Variants in OCA2 observed in about 807,000 individuals in gnomAD.
The protein encoded by OCA2 is OCA2 melanosomal transmembrane protein, also known as P protein.
OCA2 carries 77 observed loss-of-function variants against 100.2 expected under a neutral mutation model. That is an observed-to-expected ratio of 0.77 (90% CI 0.64 to 0.93). OCA2 has a LOEUF of 0.93. OCA2 is among the 40% of genes least tolerant of loss of function. The pLI is 0.00. For missense variants in OCA2, 1,062 were observed against 1,089.1 expected (o/e 0.98, Z 0.35); for synonymous variants, 432 against 439.2 (o/e 0.98, Z 0.21).
chr15:27,984,483 T>C (rs146193776), intron 13 of OCA2, among the ~76,000 whole-genome samples: 9 of 152,236 alleles, frequency 5.9e-5, no homozygotes, highest in Middle Eastern at 3.4e-3. Context: ...CCTCAGCAGA[T>C]GGTGATGGAG....
the OCA2 span, among the ~76,000 whole-genome samples, chr15:27,748,254 C>A: frequency 6.6e-6 from 1 of 152,178 alleles, no homozygotes; most frequent in Admixed American, 6.5e-5. Context: ...TGAGGAATAT[C>A]CTGCTCCCAA....
At chr15:27,842,139 G>C (rs1045597389) in intron 23 of OCA2, among the ~76,000 whole-genome samples, 2 of 152,226 alleles carry the variant, frequency 1.3e-5, no homozygotes, top group African/African-American at 4.8e-5. Context: ...CTGCCTGTTG[G>C]AGGCATAGCT....
Position 28,014,757 on chromosome 15 carries a change from G to A in OCA2, c.1044+19C>T. 6.2e-7 allele frequency: 1 copy of A among 1,609,920 alleles called. No individual in the cohort carries two copies. The highest frequency in any genetic ancestry group is 8.5e-7 in the Non-Finnish European group (1 of 1,179,666). On this transcript the variant is annotated intron_variant, in intron 9 of 23. Transcript: ENST00000354638. ...GACTGTGGGCCCAGACAGATCGGGG[G>A]AGCAGGTGTGAAAGTTACCTCAAAT...
At chr15:28,011,112 A>T (rs1300495338) in intron 9 of OCA2, among the ~76,000 whole-genome samples, 1 of 152,222 alleles carries the variant, frequency 6.6e-6, no homozygotes, top group Non-Finnish European at 1.5e-5. Context: ...ATGCTGGCCC[A>T]GTTGGACATC....
intron 15 of OCA2, among the ~76,000 whole-genome samples, chr15:27,962,811 AC>A (rs1183363658): frequency 1.3e-5 from 2 of 152,230 alleles, no homozygotes; most frequent in Non-Finnish European, 2.9e-5. Context: ...CAATCGCATC[AC>A]TAAGCACATT....
intron 9 of OCA2, among the ~76,000 whole-genome samples, chr15:28,000,557 G>A (rs2041895166): frequency 6.6e-6 from 1 of 152,128 alleles, no homozygotes; most frequent in Non-Finnish European, 1.5e-5. Flanking sequence ...TCTTGACAAT[G>A]ATTTTTTGGA....
In OCA2 at chr15:28,086,072, T is replaced by G. The variant is rs527405271; in HGVS notation, c.-21-4177A>C. ...AAGGCTGAGTAGGGAGTTTGGACATTCACCGTTGCTGAGTGCTAGGGAGTT... is the reference window on the plus strand; with the variant it reads ...AAGGCTGAGTAGGGAGTTTGGACATGCACCGTTGCTGAGTGCTAGGGAGTT... On this transcript the variant is annotated intron_variant, in intron 1 of 23. Transcript: ENST00000354638. Among the ~76,000 whole-genome samples the G allele has an allele frequency of 6.8e-4, 104 of 152,288 alleles. 1 individual carries two copies. Among genetic ancestry groups the G allele is most frequent in the African/African-American group, 2.5e-3 (104 of 41,568 alleles).
intron 19 of OCA2, among the ~76,000 whole-genome samples, chr15:27,891,326 C>A (rs1320495869): frequency 6.6e-6 from 1 of 152,038 alleles, no homozygotes; most frequent in Non-Finnish European, 1.5e-5. Flanking sequence ...ATAAATGAAT[C>A]AAAATAGAAC....
At chr15:27,962,587 T>G (rs1418037531) in intron 15 of OCA2, among the ~76,000 whole-genome samples, 2 of 152,208 alleles carry the variant, frequency 1.3e-5, no homozygotes, top group Non-Finnish European at 2.9e-5. Context: ...GTTCTTCTAC[T>G]GTATGTTAGG....
intron 19 of OCA2, among the ~76,000 whole-genome samples, chr15:27,912,358 C>T (rs1487434750): frequency 1.3e-5 from 2 of 152,030 alleles, no homozygotes; most frequent in East Asian, 3.9e-4. Flanking sequence ...GATTCCAGGG[C>T]AAGAGCAGGC....
At chr15:28,070,083 G>A (rs2044181951) in intron 2 of OCA2, among the ~76,000 whole-genome samples, 1 of 113,918 alleles carries the variant, frequency 8.8e-6, no homozygotes, top group African/African-American at 6.3e-5. Flanking sequence ...GAGCACCTCT[G>A]CCCGGCCGAG....
chr15:27,899,524 CT>C, intron 19 of OCA2, among the ~76,000 whole-genome samples: 2 of 152,312 alleles, frequency 1.3e-5, no homozygotes, highest in East Asian at 3.9e-4. Context: ...ATTTCCTTTT[CT>C]TTCTTGTAAA....
chr15:27,882,354 C>A (rs2037055017), intron 19 of OCA2, among the ~76,000 whole-genome samples: 2 of 152,212 alleles, frequency 1.3e-5, no homozygotes, highest in Admixed American at 6.5e-5. Context: ...CATCAAGCAA[C>A]TCTTTTTTAT....
intron 9 of OCA2, among the ~76,000 whole-genome samples, chr15:27,999,818 T>C (rs1405041784): frequency 6.6e-6 from 1 of 152,208 alleles, no homozygotes; most frequent in African/African-American, 2.4e-5. Context: ...TTTACTTCAA[T>C]ATGCTAACAA....
At chr15:27,805,259 G>A (rs1182536745) in intron 23 of OCA2, among the ~76,000 whole-genome samples, 2 of 152,258 alleles carry the variant, frequency 1.3e-5, no homozygotes, top group East Asian at 3.9e-4. Flanking sequence ...CAGAGCCGCC[G>A]TCTTTACATT....
chr15:28,063,261 C>A (rs984484300), intron 2 of OCA2, among the ~76,000 whole-genome samples: 1 of 152,014 alleles, frequency 6.6e-6, no homozygotes, highest in East Asian at 1.9e-4. Flanking sequence ...TCATGATATA[C>A]CTTTTTCCAT....
chr15:27,898,390 C>T (rs1010888604), intron 19 of OCA2, among the ~76,000 whole-genome samples: 5 of 152,110 alleles, frequency 3.3e-5, no homozygotes, highest in African/African-American at 7.2e-5. Flanking sequence ...GCACTGTTCT[C>T]GTGATAGTGA....
chr15:27,988,883 G>A (rs914231189), intron 11 of OCA2, among the ~76,000 whole-genome samples: 2 of 152,144 alleles, frequency 1.3e-5, no homozygotes, highest in Non-Finnish European at 2.9e-5. Context: ...AGGTCACATA[G>A]CTGGGCCCTC....
At chr15:27,971,345 T>A (rs1422337378) in intron 14 of OCA2, among the ~76,000 whole-genome samples, 1 of 152,196 alleles carries the variant, frequency 6.6e-6, no homozygotes, top group African/African-American at 2.4e-5. Context: ...ACTTTTCAGG[T>A]ATTATTTTAA....
Sources: gnomAD v4.1 joint callset for allele counts (sites outside exome capture counted in the v4.1 genomes callset) on GRCh38, gnomAD v4.1.1 for gene constraint, MANE v1.5 for transcripts, NCBI Gene and HGNC (gene_info 2026-07-23, HGNC 2026-07-21) for gene names.